ABCA13: variants seen among roughly 807,000 people sequenced by gnomAD.
ABCA13 encodes the protein ATP binding cassette subfamily A member 13, also known as ATP-binding cassette sub-family A member 13.
Under a neutral mutation model 478.7 loss-of-function variants are expected in ABCA13, and 476 were observed. That is an observed-to-expected ratio of 0.99 (90% CI 0.92 to 1.07). ABCA13 has a LOEUF of 1.07. Ranked by LOEUF, ABCA13 falls within the 50% of genes least tolerant of loss-of-function variation. The pLI, the probability that ABCA13 is intolerant of heterozygous loss-of-function variation, is 0.00. For missense variants in ABCA13, 6,060 were observed against 5,910.6 expected, an observed-to-expected ratio of 1.03 and a Z score of -0.83; for synonymous variants, 2,252 against 2,158.9, an observed-to-expected ratio of 1.04 and a Z score of -1.20.
chr7:48,570,752 T>C (rs1563451601), intron 55 of ABCA13, among the ~76,000 whole-genome samples: 1 of 152,186 alleles, frequency 6.6e-6, no homozygotes, highest in Non-Finnish European at 1.5e-5. Context: ...GTAGAATTAA[T>C]TGATAATTAT....
At chr7:48,484,079 C>G (rs1829054105) in intron 47 of ABCA13, among the ~76,000 whole-genome samples, 1 of 152,190 alleles carries the variant, frequency 6.6e-6, no homozygotes, top group African/African-American at 2.4e-5. Flanking sequence ...TGGGGACTTG[C>G]ATGGTTCATG....
chr7:48,517,849 G>A (rs1347398462), intron 52 of ABCA13, among the ~76,000 whole-genome samples: 2 of 152,176 alleles, frequency 1.3e-5, no homozygotes, highest in South Asian at 4.1e-4. Context: ...AAATGACCTG[G>A]AAAAGGTACT....
intron 27 of ABCA13, among the ~76,000 whole-genome samples, chr7:48,321,166 A>T (rs1403709116): frequency 6.6e-6 from 1 of 152,178 alleles, no homozygotes; most frequent in Non-Finnish European, 1.5e-5. Context: ...TTTTAGTGTC[A>T]CAAGTAGGAG....
chr7:48,626,852 T>G, intron 59 of ABCA13: 1 of 985,436 alleles, frequency 1.0e-6, no homozygotes, highest in South Asian at 4.7e-5. Context: ...ACTGATGGGC[T>G]GTTTGGAGAA....
At chr7:48,367,576 C>T (rs184068103) in intron 31 of ABCA13, among the ~76,000 whole-genome samples, 58 of 152,224 alleles carry the variant, frequency 3.8e-4, no homozygotes, top group South Asian at 6.2e-4. Context: ...TGAGAGATCT[C>T]GAACCAGTTG....
At chr7:48,329,175 T>C (rs1408331749) in intron 27 of ABCA13, among the ~76,000 whole-genome samples, 1 of 152,158 alleles carries the variant, frequency 6.6e-6, no homozygotes, top group African/African-American at 2.4e-5. Context: ...AATACCAACA[T>C]AATGCATCTG....
Position 48,455,225 on chromosome 7 carries a change from GAGT to G in ABCA13, c.12756_12758del (p.Glu4252_Tyr4253delinsAsp). 1 of 1,602,868 alleles carries G rather than the reference GAGT, an allele frequency of 6.2e-7. No homozygotes were observed. Among genetic ancestry groups the G allele is most frequent in the Non-Finnish European group, 8.5e-7 (1 of 1,175,106 alleles). On this transcript the variant is annotated inframe_deletion, in exon 43 of 62. Coordinates refer to ENST00000435803, the MANE Select transcript of ABCA13 (RefSeq NM_152701.5). Reference sequence around the variant, plus strand: ...GTTCATGGTGAGACCCCTGGCCACCGAGTACCCTCCCCTCAGACTCACACCTGG... The same window carrying G: ...GTTCATGGTGAGACCCCTGGCCACCGACCCTCCCCTCAGACTCACACCTGG...
At chr7:48,360,334 C>T (rs1458071582) in intron 31 of ABCA13, among the ~76,000 whole-genome samples, 1 of 151,856 alleles carries the variant, frequency 6.6e-6, no homozygotes, top group Non-Finnish European at 1.5e-5. Flanking sequence ...TGATGGTTTC[C>T]AGCTTCATCC....
At chr7:48,351,058 C>T (rs779802059) in intron 30 of ABCA13, among the ~76,000 whole-genome samples, 1 of 152,208 alleles carries the variant, frequency 6.6e-6, no homozygotes, top group Non-Finnish European at 1.5e-5. Context: ...AACGTTTTCA[C>T]CATCCTAGGA....
At chr7:48,481,649 G>T (rs150901668) in intron 46 of ABCA13, among the ~76,000 whole-genome samples, 3 of 71,818 alleles carry the variant, frequency 4.2e-5, no homozygotes, top group Non-Finnish European at 9.4e-5. Context: ...GGGTCTACAG[G>T]CACCTGCCAC....
intron 7 of ABCA13, among the ~76,000 whole-genome samples, chr7:48,231,168 TAA>T (rs768172808): frequency 1.5e-4 from 20 of 137,558 alleles, no homozygotes; most frequent in Admixed American, 3.6e-4. Context: ...AACTTAAAGT[TAA>T]AAAAAAAAAA....
At chr7:48,466,614 A>G (rs1176558896) in intron 43 of ABCA13, among the ~76,000 whole-genome samples, 3 of 152,228 alleles carry the variant, frequency 2.0e-5, no homozygotes, top group Non-Finnish European at 1.5e-5. Flanking sequence ...ATATGATATT[A>G]TGTAGCCTTT....
intron 3 of ABCA13, among the ~76,000 whole-genome samples, chr7:48,208,792 CTTTA>C (rs1372397977): frequency 6.6e-6 from 1 of 152,048 alleles, no homozygotes; most frequent in Non-Finnish European, 1.5e-5. Flanking sequence ...TTTGGATTCC[CTTTA>C]TTTCTTTCTG....
At chr7:48,389,419 T>G (rs139803185) in intron 37 of ABCA13, among the ~76,000 whole-genome samples, 199 bp downstream of exon 37, 2 of 152,210 alleles carry the variant, frequency 1.3e-5, no homozygotes, top group Non-Finnish European at 2.9e-5. Context: ...ACCGCACAGG[T>G]GCACTGTAGG....
In ABCA13 at chr7:48,235,983, T is replaced by C. The variant is rs572304742; in HGVS notation, c.897+1832T>C. Among the ~76,000 whole-genome samples the C allele has an allele frequency of 3.0e-4, 45 of 152,290 alleles. No homozygotes were observed. In the South Asian group the frequency reaches 8.9e-3, roughly 30 times the overall value. On this transcript the variant is annotated intron_variant, in intron 8 of 61. Transcript: ENST00000435803. ...ACAGTTCAGGTAGGCTAGGTTAAGTTTGGTTATGTTTTGAGGTTGGGTGTA... is the reference window on the plus strand; with the variant it reads ...ACAGTTCAGGTAGGCTAGGTTAAGTCTGGTTATGTTTTGAGGTTGGGTGTA...
intron 55 of ABCA13, among the ~76,000 whole-genome samples, chr7:48,542,745 C>G (rs895912509): frequency 6.6e-6 from 1 of 151,638 alleles, no homozygotes; most frequent in Non-Finnish European, 1.5e-5. Flanking sequence ...CTATTACTCT[C>G]CTCTAGCAAG....
chr7:48,561,623 T>A (rs1035748276), intron 55 of ABCA13, among the ~76,000 whole-genome samples: 9 of 152,200 alleles, frequency 5.9e-5, no homozygotes, highest in African/African-American at 1.7e-4. Context: ...TTCTTATATA[T>A]TTTGGATATT....
chr7:48,626,463 A>C (rs1010951433), intron 59 of ABCA13: 5 of 252,752 alleles, frequency 2.0e-5, no homozygotes, highest in African/African-American at 1.2e-4. Flanking sequence ...CATAAACTTG[A>C]AGGGAATCTT....
intron 57 of ABCA13, among the ~76,000 whole-genome samples, chr7:48,591,450 A>G (rs1351426722): frequency 6.6e-6 from 1 of 151,790 alleles, no homozygotes; most frequent in African/African-American, 2.4e-5. Context: ...TTCTTTAGCT[A>G]TTTGTGGTCT....
Sources: allele counts gnomAD v4.1 joint callset (sites outside exome capture counted in the v4.1 genomes callset), GRCh38; gene constraint gnomAD v4.1.1; transcripts MANE v1.5; gene names NCBI Gene and HGNC (gene_info 2026-07-23, HGNC 2026-07-21).